The following SDK2 variants were observed in gnomAD, a reference collection of about 807,000 sequenced individuals.
SDK2 encodes the protein protein sidekick-2.
SDK2 carries 105 observed loss-of-function variants against 253.9 expected under a neutral mutation model. The ratio of observed to expected loss-of-function variants is 0.41; its 90% CI spans 0.35 to 0.49. The LOEUF is 0.49. Among genes scored for constraint, SDK2 ranks in the 20% least tolerant of loss-of-function variants. The probability of loss-of-function intolerance (pLI) is 0.06; values close to 1 mark genes in which losing one functional copy is unlikely to be tolerated. For missense variants in SDK2, 2,608 were observed against 3,003.0 expected (o/e 0.87, Z 3.07); for synonymous variants, 1,249 against 1,234.9 (o/e 1.01, Z -0.24).
intron 3 of SDK2, among the ~76,000 whole-genome samples, chr17:73,456,284 G>A (rs953114432): frequency 6.6e-6 from 1 of 152,162 alleles, no homozygotes; most frequent in African/African-American, 2.4e-5. Context: ...CGGCCAGTTC[G>A]TTCAACCACC....
At chr17:73,462,538 GTA>G (rs1456944868) in intron 3 of SDK2, among the ~76,000 whole-genome samples, 4 of 151,994 alleles carry the variant, frequency 2.6e-5, no homozygotes, top group East Asian at 1.9e-4. Context: ...ATGAATGGTT[GTA>G]TATGTTTGTA....
At chr17:73,557,080 C>T (rs562423250) in intron 1 of SDK2, among the ~76,000 whole-genome samples, 3 of 152,240 alleles carry the variant, frequency 2.0e-5, no homozygotes, top group Admixed American at 1.3e-4. Context: ...CCAGAATATT[C>T]TGGCTGTATA....
At chr17:73,425,980 T>C (rs1442222044) in intron 12 of SDK2, among the ~76,000 whole-genome samples, 1 of 152,176 alleles carries the variant, frequency 6.6e-6, no homozygotes, top group Non-Finnish European at 1.5e-5. Flanking sequence ...TTACATATTT[T>C]AAATGATACA....
At chr17:73,406,776 G>C (rs2145545603) in intron 18 of SDK2, among the ~76,000 whole-genome samples, 1 of 152,258 alleles carries the variant, frequency 6.6e-6, no homozygotes, top group South Asian at 2.1e-4. Context: ...TGAACTAATA[G>C]AGTATTGAGC....
At position 73,455,974 on chromosome 17, in the gene SDK2, G is replaced by A. The variant is rs765089478; in HGVS notation, c.411C>T (p.Ile137=). ...TCACCTGTGGCTGGGGGAAGCTGGC[G>A]ATGCGCGGGGCACGGATGACAGCTG... ...GEAAVIRAPR[I]ASFPQPQVTW... Residue 137 remains isoleucine (I), a synonymous_variant, in exon 4 of 45, where the codon ATC becomes ATT. Coordinates refer to ENST00000392650, the MANE Select transcript of SDK2 (RefSeq NM_001144952.2). The surrounding 1 kb of genome is among the most constrained non-coding windows in gnomAD (Gnocchi z 5.0). 3.2e-5 allele frequency: 50 copies of A among 1,548,624 alleles called. No individual in the cohort carries two copies. The highest frequency in any genetic ancestry group is 3.9e-5 in the Non-Finnish European group (45 of 1,146,202).
intron 1 of SDK2, among the ~76,000 whole-genome samples, chr17:73,608,229 A>G (rs2045931199): frequency 6.6e-6 from 1 of 151,920 alleles, no homozygotes; most frequent in African/African-American, 2.4e-5. Flanking sequence ...TCCTTTGTAG[A>G]CTGTCCCTCC....
At chr17:73,402,393 C>T (rs952443664) in intron 18 of SDK2, among the ~76,000 whole-genome samples, 36 of 152,236 alleles carry the variant, frequency 2.4e-4, no homozygotes, top group African/African-American at 8.7e-4. Context: ...GGAATCGCCT[C>T]GTACTCAATT....
chr17:73,426,535 T>G (rs2063285684), intron 12 of SDK2, among the ~76,000 whole-genome samples: 1 of 152,294 alleles, frequency 6.6e-6, no homozygotes, highest in Non-Finnish European at 1.5e-5. Flanking sequence ...GCTCCTTGGT[T>G]TCTAATATTA....
intron 1 of SDK2, among the ~76,000 whole-genome samples, chr17:73,600,486 A>G (rs1175234689): frequency 6.6e-6 from 1 of 152,046 alleles, no homozygotes. Context: ...CCAGGATCAG[A>G]GCTGTCCCAC....
At chr17:73,527,062 G>A (rs540566625) in intron 1 of SDK2, among the ~76,000 whole-genome samples, 34 of 152,340 alleles carry the variant, frequency 2.2e-4, no homozygotes, top group Non-Finnish European at 4.1e-4. Flanking sequence ...AGGCATCACC[G>A]GGCATGGGCT....
At chr17:73,472,488 C>G (rs545082532) in intron 2 of SDK2, among the ~76,000 whole-genome samples, 117 of 152,340 alleles carry the variant, frequency 7.7e-4, no homozygotes, top group Non-Finnish European at 1.4e-3. Context: ...GCACCCGAAT[C>G]CTTGACCCTG....
chr17:73,574,173 CTT>C (rs1177445537), intron 1 of SDK2, among the ~76,000 whole-genome samples: 1 of 152,238 alleles, frequency 6.6e-6, no homozygotes, highest in Non-Finnish European at 1.5e-5. Context: ...AAGGCAAGGA[CTT>C]TTGTCTGTGT....
intron 2 of SDK2, among the ~76,000 whole-genome samples, chr17:73,497,157 C>CA (rs1182553142): frequency 6.6e-6 from 1 of 152,220 alleles, no homozygotes; most frequent in Non-Finnish European, 1.5e-5. Context: ...CTTGGCCTCC[C>CA]AAAGTGCTGG....
chr17:73,514,709 C>A (rs74697820), intron 1 of SDK2, among the ~76,000 whole-genome samples: 8,092 of 152,258 alleles, frequency 0.053, 341 homozygotes, highest in African/African-American at 0.12. Flanking sequence ...TCTCTTTTTG[C>A]GGCTTCTTCT....
At chr17:73,369,576 G>C (rs1175469373) in intron 36 of SDK2, among the ~76,000 whole-genome samples, 1 of 152,256 alleles carries the variant, frequency 6.6e-6, no homozygotes, top group African/African-American at 2.4e-5. Flanking sequence ...GTTTCACCCA[G>C]GTACTTGGCC....
At chr17:73,637,688 CTGA>C in intron 1 of SDK2, among the ~76,000 whole-genome samples, 1 of 152,216 alleles carries the variant, frequency 6.6e-6, no homozygotes, top group African/African-American at 2.4e-5. Flanking sequence ...AATATAAGTG[CTGA>C]GGCAAGATCT....
chr17:73,519,538 T>C (rs1393590302), intron 1 of SDK2: 1 of 151,502 alleles, frequency 6.6e-6, no homozygotes, highest in Non-Finnish European at 1.5e-5. Flanking sequence ...TGGGTATTTG[T>C]TAAAGGCCTA....
intron 1 of SDK2, among the ~76,000 whole-genome samples, chr17:73,590,335 T>C (rs2045664419): frequency 6.6e-6 from 1 of 152,206 alleles, no homozygotes; most frequent in African/African-American, 2.4e-5. Context: ...CAGCACCTCC[T>C]TCCCCGGCAT....
rs2062545759 is a variant in SDK2 at position 73,352,336 on chromosome 17, C to T, written c.5758+137G>A. On this transcript the variant is annotated intron_variant, in intron 41 of 44. Transcript: ENST00000392650. This position sits in a 1 kb window ranked among gnomAD's most constrained non-coding sequence, Gnocchi z 4.1. The stretch of plus-strand genomic sequence containing the variant: ...GCACCAGCACTTGCCTCTTCACAGC[C>T]CCGAGGGGACAATGTGTTTTTGTTC... 1.8e-6 allele frequency: 2 copies of T among 1,122,374 alleles called. No homozygotes were observed. The highest frequency in any genetic ancestry group is 2.5e-6 in the Non-Finnish European group (2 of 799,716). The allele number at this position is 1,122,374 out of a possible 1,614,324, so 69.5% of individuals were successfully genotyped here.
Sources: allele counts gnomAD v4.1 joint callset (sites outside exome capture counted in the v4.1 genomes callset), GRCh38; gene constraint gnomAD v4.1.1; non-coding constraint Gnocchi (gnomAD v3.1); transcripts MANE v1.5; gene names NCBI Gene and HGNC (gene_info 2026-07-23, HGNC 2026-07-21).